C3orf52: variants seen among roughly 807,000 people sequenced by gnomAD.
C3orf52 encodes chromosome 3 open reading frame 52.
In C3orf52, 22 loss-of-function variants were observed where a neutral mutation model predicts 24.8. The ratio of observed to expected loss-of-function variants is 0.89; its 90% CI spans 0.63 to 1.27. C3orf52 has a LOEUF of 1.27. Ranked by LOEUF, C3orf52 falls within the 50% of genes most tolerant of loss-of-function variation. C3orf52 has a pLI of 0.00. For missense variants in C3orf52, 265 were observed against 260.7 expected, an observed-to-expected ratio of 1.02 and a Z score of -0.11; for synonymous variants, 93 against 100.2, an observed-to-expected ratio of 0.93 and a Z score of 0.43.
downstream of C3orf52, among the ~76,000 whole-genome samples, chr3:112,131,404 A>G (rs904077763): frequency 6.6e-6 from 1 of 152,194 alleles, no homozygotes; most frequent in African/African-American, 2.4e-5. Flanking sequence ...TGACTAGATG[A>G]TAACTGGGTG....
intron 4 of C3orf52, among the ~76,000 whole-genome samples, chr3:112,126,786 T>C (rs144526952): frequency 0.015 from 2,342 of 152,292 alleles, 35 homozygotes; most frequent in Non-Finnish European, 0.026. Flanking sequence ...ACTGAGGAAT[T>C]TGGAGATTAA....
Position 112,116,980 on chromosome 3 carries a change from G to T in C3orf52, c.*334G>T, listed in dbSNP as rs1410398425. The T allele has an allele frequency of 5.4e-6, 8 of 1,484,056 alleles. No individual in the cohort carries two copies. Among genetic ancestry groups the T allele is most frequent in the South Asian group, 3.7e-5 (3 of 80,824 alleles). The allele number at this position is 1,484,056 out of a possible 1,614,324, so 91.9% of individuals were successfully genotyped here. The stretch of plus-strand genomic sequence containing the variant: ...GTTTCGTTTTGTTTTTTGAGACAGG[G>T]TCTCGTTCTGTCGCTTAGCTGGAGT... On this transcript the variant is annotated 3_prime_UTR_variant, in exon 6 of 6. Coordinates refer to ENST00000264848, the MANE Select transcript of C3orf52 (RefSeq NM_024616.3).
At position 112,116,792 on chromosome 3, in the gene C3orf52, C is replaced by T. The variant is rs761664757; in HGVS notation, c.*146C>T. On this transcript the variant is annotated 3_prime_UTR_variant, in exon 6 of 6. Coordinates refer to ENST00000264848, the MANE Select transcript of C3orf52 (RefSeq NM_024616.3). ...GAGGGGTGGAGACTCCTTTCTCTCC[C>T]GATTCTACAGTCTGGCTCTAAGCCC... The T allele has an allele frequency of 4.7e-5, 73 of 1,541,728 alleles. 1 individual carries two copies. The highest frequency in any genetic ancestry group is 2.4e-4 in the East Asian group (10 of 40,936).
downstream of C3orf52, among the ~76,000 whole-genome samples, chr3:112,131,532 G>T (rs915330325): frequency 5.9e-5 from 9 of 152,190 alleles, no homozygotes; most frequent in Admixed American, 3.9e-4. Context: ...TTGCTATGTT[G>T]TTCAGGCTGC....
chr3:112,101,116 G>T (rs1396737330), intron 2 of C3orf52, among the ~76,000 whole-genome samples: 1 of 152,124 alleles, frequency 6.6e-6, no homozygotes, highest in Non-Finnish European at 1.5e-5. Context: ...AGGACGCAGG[G>T]ATAATTCCCT....
intron 4 of C3orf52, among the ~76,000 whole-genome samples, chr3:112,109,983 C>T (rs145482228): frequency 6.6e-6 from 1 of 152,122 alleles, no homozygotes; most frequent in Non-Finnish European, 1.5e-5. Flanking sequence ...TAGGCATTTG[C>T]TTTTGAGGAG....
intron 4 of C3orf52, chr3:112,125,200 A>G (rs1227404500): frequency 3.3e-6 from 5 of 1,498,960 alleles, no homozygotes; most frequent in Non-Finnish European, 4.7e-6. Flanking sequence ...TCATCTCAAA[A>G]AATAGCTTAG....
At chr3:112,135,889 T>C (rs1016856115), downstream of C3orf52, among the ~76,000 whole-genome samples, 2 of 152,142 alleles carry the variant, frequency 1.3e-5, no homozygotes, top group Admixed American at 6.6e-5. Context: ...CAAATAAGCA[T>C]TGTCAAATAC....
chr3:112,114,685 CAA>C (rs2074118966), intron 5 of C3orf52, among the ~76,000 whole-genome samples: 1 of 151,970 alleles, frequency 6.6e-6, no homozygotes. Context: ...GCCTGGGTGA[CAA>C]GAGTGAAACT....
chr3:112,101,753 A>T (rs976928190), intron 2 of C3orf52, among the ~76,000 whole-genome samples: 2 of 152,144 alleles, frequency 1.3e-5, no homozygotes, highest in African/African-American at 2.4e-5. Flanking sequence ...CACTGAATTT[A>T]TTCCACTATG....
intron 4 of C3orf52, chr3:112,128,176 T>G (rs2074372849): frequency 2.3e-6 from 2 of 854,010 alleles, no homozygotes; most frequent in Non-Finnish European, 4.0e-6. Flanking sequence ...CGCAAGCGTG[T>G]TTCATTCTAG....
downstream of C3orf52, chr3:112,121,676 T>C (rs1359547080): frequency 1.3e-5 from 2 of 152,184 alleles, no homozygotes; most frequent in Non-Finnish European, 2.9e-5. Context: ...AGTGAAAGAA[T>C]TTTGCTAAAA....
At chr3:112,123,263 TA>T in intron 4 of C3orf52, 1 of 1,027,158 alleles carries the variant, frequency 9.7e-7, no homozygotes, top group South Asian at 1.7e-5. Context: ...TTGTTCAGGA[TA>T]AATGGTTGAT....
At position 112,106,588 on chromosome 3, in the gene C3orf52, G is replaced by A. The variant is rs547238191; in HGVS notation, c.397-2955G>A. ...AAATGTTAGAGTAAAAGATGTACCCGGCGCCCCTGTCACTCAGGAAGTAAC... is the reference window on the plus strand; with the variant it reads ...AAATGTTAGAGTAAAAGATGTACCCAGCGCCCCTGTCACTCAGGAAGTAAC... On this transcript the variant is annotated intron_variant, in intron 3 of 5. Coordinates refer to ENST00000264848, the MANE Select transcript of C3orf52 (RefSeq NM_024616.3). Among the ~76,000 whole-genome samples the A allele has an allele frequency of 9.9e-4, 151 of 152,294 alleles. 1 individual carries two copies. The highest frequency in any genetic ancestry group is 3.2e-3 in the African/African-American group (135 of 41,554).
At chr3:112,109,958 C>A (rs753993946) in intron 4 of C3orf52, 8 of 219,434 alleles carry the variant, frequency 3.6e-5, no homozygotes, top group African/African-American at 9.1e-5. Flanking sequence ...TGCTGTGATG[C>A]GAGTGATACA....
At chr3:112,098,194 C>T (rs2073941470) in intron 2 of C3orf52, among the ~76,000 whole-genome samples, 1 of 152,172 alleles carries the variant, frequency 6.6e-6, no homozygotes, top group Admixed American at 6.5e-5. Context: ...CTATTGGTTC[C>T]CAATTTTTCT....
At chr3:112,123,281 AT>A in intron 4 of C3orf52, 1 of 1,199,406 alleles carries the variant, frequency 8.3e-7, no homozygotes. Flanking sequence ...TGATCTTTAG[AT>A]TTTGGCTTTT....
intron 1 of C3orf52, 127 bp downstream of exon 1, chr3:112,086,672 C>A (rs1167731318): frequency 8.3e-7 from 1 of 1,209,080 alleles, no homozygotes; most frequent in Non-Finnish European, 1.2e-6. Context: ...GAGGGTGGGG[C>A]GCGCTCGAGT....
chr3:112,123,570 G>T, intron 4 of C3orf52: 1 of 1,614,156 alleles, frequency 6.2e-7, no homozygotes, highest in Non-Finnish European at 8.5e-7. Context: ...TGGGGATCGG[G>T]CATGCCTGGG....
Sources: gnomAD v4.1 joint callset for allele counts (sites outside exome capture counted in the v4.1 genomes callset) on GRCh38, gnomAD v4.1.1 for gene constraint, MANE v1.5 for transcripts, NCBI Gene and HGNC (gene_info 2026-07-23, HGNC 2026-07-21) for gene names.